The following THADA variants were observed in gnomAD, a reference collection of about 807,000 sequenced individuals.
THADA encodes the protein THADA armadillo repeat containing.
THADA carries 213 observed loss-of-function variants against 219.8 expected under a neutral mutation model. The ratio of observed to expected loss-of-function variants is 0.97; its 90% CI spans 0.87 to 1.09. The LOEUF (loss-of-function observed/expected upper bound fraction) is 1.09, where lower values mean the gene tolerates loss of function less well. THADA is among the 50% of genes least tolerant of loss of function. THADA has a pLI of 0.00. For synonymous variants in THADA, 1,018 were observed against 828.9 expected (o/e 1.23, Z -3.92); for missense variants, 2,956 against 2,311.3 (o/e 1.28, Z -5.72).
In THADA at chr2:43,556,550, C is replaced by T. The variant is rs754735492; in HGVS notation, c.2469G>A (p.Ser823=). The T allele has an allele frequency of 2.0e-5, 32 of 1,613,086 alleles. No individual in the cohort carries two copies. Among genetic ancestry groups the T allele is most frequent in the Middle Eastern group, 1.6e-4 (1 of 6,084 alleles). Reference sequence around the variant, plus strand: ...CCTGAAATAAGCCTTGCAGTTTCCCCGAATCCTAGAATAAAGCGCAGACTC... The same window carrying T: ...CCTGAAATAAGCCTTGCAGTTTCCCTGAATCCTAGAATAAAGCGCAGACTC... ...LSKTAVHFQD[S]GKLQGLFQAA... The change falls in exon 17 of 38, where the codon TCG becomes TCA. Residue 823 remains serine (S), a synonymous_variant. Coordinates refer to ENST00000405975, the MANE Select transcript of THADA (RefSeq NM_022065.5).
chr2:43,560,419 G>C (rs773846345), intron 15 of THADA, 34 bp from the exon 16 acceptor site: 7 of 1,435,696 alleles, frequency 4.9e-6, no homozygotes, highest in African/African-American at 1.5e-5. Context: ...AGATTTAAAA[G>C]TGAACAAAAA....
At chr2:43,271,103 A>G (rs1009342658) in intron 36 of THADA, among the ~76,000 whole-genome samples, 10 of 152,088 alleles carry the variant, frequency 6.6e-5, no homozygotes, top group Admixed American at 5.9e-4. Flanking sequence ...CTCACCTGGG[A>G]CCTGATAAGC....
chr2:43,510,660 TAAAA>T (rs397729303), intron 22 of THADA, among the ~76,000 whole-genome samples: 3 of 122,392 alleles, frequency 2.5e-5, no homozygotes, highest in African/African-American at 3.1e-5. Context: ...TTCTTCACTG[TAAAA>T]AAAAAAAAAA....
chr2:43,501,148 A>G (rs1688899784), intron 24 of THADA, among the ~76,000 whole-genome samples: 1 of 151,778 alleles, frequency 6.6e-6, no homozygotes, highest in Admixed American at 6.6e-5. Flanking sequence ...TCTACTAAAA[A>G]TAAAAAAATT....
intron 36 of THADA, among the ~76,000 whole-genome samples, chr2:43,261,856 C>T (rs1241765322): frequency 1.3e-5 from 2 of 152,104 alleles, no homozygotes; most frequent in African/African-American, 4.8e-5. Context: ...AGGCTGGTCC[C>T]GAACTCTTGG....
At chr2:43,528,509 C>T in intron 21 of THADA, among the ~76,000 whole-genome samples, 1 of 152,244 alleles carries the variant, frequency 6.6e-6, no homozygotes, top group Middle Eastern at 3.4e-3. Flanking sequence ...ATTATCTCTA[C>T]TTCACAATTG....
chr2:43,469,465 C>G (rs908407362), intron 26 of THADA, among the ~76,000 whole-genome samples: 1 of 151,842 alleles, frequency 6.6e-6, no homozygotes, highest in African/African-American at 2.4e-5. Flanking sequence ...ACAATGCAAA[C>G]TGAAAAAAAC....
intron 31 of THADA, among the ~76,000 whole-genome samples, chr2:43,307,144 C>T (rs1291759031): frequency 6.6e-6 from 1 of 152,152 alleles, no homozygotes; most frequent in Non-Finnish European, 1.5e-5. Context: ...TGGATATGAG[C>T]AATGCAAGAC....
At chr2:43,511,039 A>G (rs192819314) in intron 22 of THADA, among the ~76,000 whole-genome samples, 54 of 152,236 alleles carry the variant, frequency 3.5e-4, no homozygotes, top group African/African-American at 1.3e-3. Context: ...CTACCTAAGA[A>G]GAAAAGAAGC....
intron 26 of THADA, among the ~76,000 whole-genome samples, chr2:43,433,670 G>T (rs962923080): frequency 5.3e-5 from 8 of 152,128 alleles, no homozygotes; most frequent in Non-Finnish European, 7.4e-5. Context: ...GTGTGTGTGT[G>T]TGTCTGCAAG....
At chr2:43,489,476 A>T (rs1178744376) in intron 25 of THADA, among the ~76,000 whole-genome samples, 1 of 152,252 alleles carries the variant, frequency 6.6e-6, no homozygotes, top group Non-Finnish European at 1.5e-5. Flanking sequence ...AGGTACAAAA[A>T]TTTACCCAGG....
chr2:43,573,161 T>G (rs1051716484), intron 11 of THADA, among the ~76,000 whole-genome samples, 169 bp from the exon 12 acceptor site: 1 of 152,228 alleles, frequency 6.6e-6, no homozygotes, highest in African/African-American at 2.4e-5. Context: ...AATCATTATT[T>G]AATATGATTT....
At chr2:43,527,429 C>T (rs1282243768) in intron 22 of THADA, among the ~76,000 whole-genome samples, 2 of 152,068 alleles carry the variant, frequency 1.3e-5, no homozygotes, top group Non-Finnish European at 2.9e-5. Flanking sequence ...ATATTTTCTA[C>T]TTTTCAGTCT....
At chr2:43,542,964 C>T (rs1695517683) in intron 20 of THADA, among the ~76,000 whole-genome samples, 1 of 150,876 alleles carries the variant, frequency 6.6e-6, no homozygotes, top group Admixed American at 6.6e-5. Context: ...TGTGCTGCAC[C>T]CATTAACTAC....
intron 29 of THADA, among the ~76,000 whole-genome samples, chr2:43,369,282 TC>T (rs1337941951): frequency 6.6e-6 from 1 of 152,190 alleles, no homozygotes; most frequent in Non-Finnish European, 1.5e-5. Context: ...TGCCCACTTC[TC>T]CACATGAATG....
chr2:43,487,691 T>G (rs1460381618), intron 25 of THADA, among the ~76,000 whole-genome samples: 2 of 152,164 alleles, frequency 1.3e-5, no homozygotes. Flanking sequence ...CGAATGCGAT[T>G]AGTGCCCTTA....
At chr2:43,392,328 A>C (rs1673489637) in intron 29 of THADA, among the ~76,000 whole-genome samples, 1 of 152,194 alleles carries the variant, frequency 6.6e-6, no homozygotes, top group South Asian at 2.1e-4. Flanking sequence ...AAATATATAT[A>C]CATATCTTTT....
chr2:43,500,446 C>G (rs548312287), intron 24 of THADA, among the ~76,000 whole-genome samples: 3 of 152,104 alleles, frequency 2.0e-5, no homozygotes, highest in Non-Finnish European at 4.4e-5. Context: ...AGGACAGGCA[C>G]AGCACAAAAA....
chr2:43,515,799 T>G, intron 22 of THADA, among the ~76,000 whole-genome samples: 1 of 152,096 alleles, frequency 6.6e-6, no homozygotes, highest in Non-Finnish European at 1.5e-5. Flanking sequence ...AGATTAAGTC[T>G]GCCTTCCAGA....
Sources: gnomAD v4.1 joint callset for allele counts (sites outside exome capture counted in the v4.1 genomes callset) on GRCh38, gnomAD v4.1.1 for gene constraint, MANE v1.5 for transcripts, NCBI Gene and HGNC (gene_info 2026-07-23, HGNC 2026-07-21) for gene names.